Variants in EFNB3 observed in about 807,000 individuals in gnomAD.
EFNB3 encodes ephrin-B3.
EFNB3 carries 14 observed loss-of-function variants against 29.8 expected under a neutral mutation model. That is an observed-to-expected ratio of 0.47 (90% CI 0.31 to 0.73). EFNB3 has a LOEUF of 0.73. Ranked by LOEUF, EFNB3 falls within the 30% of genes least tolerant of loss-of-function variation. The probability of loss-of-function intolerance (pLI) is 0.05; values close to 1 mark genes in which losing one functional copy is unlikely to be tolerated. For synonymous variants in EFNB3, 216 were observed against 191.6 expected, an observed-to-expected ratio of 1.13 and a Z score of -1.05; for missense variants, 408 against 458.0, an observed-to-expected ratio of 0.89 and a Z score of 1.00.
chr17:7,707,479 C>A (rs193235075), intron 1 of EFNB3, among the ~76,000 whole-genome samples: 9 of 152,296 alleles, frequency 5.9e-5, no homozygotes, highest in Admixed American at 5.9e-4. Flanking sequence ...ACAGCCCCTC[C>A]CTGAACCGCC....
Position 7,708,423 on chromosome 17 carries a change from T to C in EFNB3, c.416-12T>C. ...GGAGTGCCAACCTCTTCCTCTGGCT[T>C]TTCTCTCCCAGCCACATCGGATGGG... On this transcript the variant is annotated splice_polypyrimidine_tract_variant and intron_variant, in intron 2 of 4. Coordinates refer to ENST00000226091, the MANE Select transcript of EFNB3 (RefSeq NM_001406.4). This position sits in a 1 kb window ranked among gnomAD's most constrained non-coding sequence, Gnocchi z 6.8. The C allele has an allele frequency of 1.2e-6, 2 of 1,610,090 alleles. No homozygotes were observed. The highest frequency in any genetic ancestry group is 2.7e-5 in the African/African-American group (2 of 74,980).
Position 7,709,206 on chromosome 17 carries a change from G to A in EFNB3, c.653G>A (p.Gly218Asp), listed in dbSNP as rs1483432392. 1.2e-6 allele frequency: 2 copies of A among 1,602,808 alleles called. No homozygotes were observed. The highest frequency in any genetic ancestry group is 2.2e-5 in the East Asian group (1 of 44,746). Residue 218 changes from glycine to aspartate, a missense_variant, in exon 5 of 5, where the codon GGC becomes GAC. Transcript: ENST00000226091. The surrounding 1 kb of genome is among the most constrained non-coding windows in gnomAD (Gnocchi z 4.5). ...AATGCAACCTCCCGGGGTGCTGAAG[G>A]CCCCCTGCCCCCTCCCAGCATGCCT... ...TSNATSRGAE[G>D]PLPPPSMPAV...
Position 7,708,439 on chromosome 17 carries a change from A to G in EFNB3, c.420A>G (p.Thr140=). The change falls in exon 3 of 5, where the codon ACA becomes ACG. Residue 140 remains threonine (T), a synonymous_variant. Transcript: ENST00000226091. This position sits in a 1 kb window ranked among gnomAD's most constrained non-coding sequence, Gnocchi z 6.8. ...RSHHDYYIIA[T]SDGTREGLES... ...CCTCTGGCTTTTCTCTCCCAGCCACATCGGATGGGACCCGGGAGGGCCTGG... is the reference window on the plus strand; with the variant it reads ...CCTCTGGCTTTTCTCTCCCAGCCACGTCGGATGGGACCCGGGAGGGCCTGG... 6.2e-7 allele frequency: 1 copy of G among 1,612,884 alleles called. No homozygotes were observed. Among genetic ancestry groups the G allele is most frequent in the Non-Finnish European group, 8.5e-7 (1 of 1,179,480 alleles).
Position 7,709,077 on chromosome 17 carries a change from C to A in EFNB3, c.614-90C>A. 7.4e-7 allele frequency: 1 copy of A among 1,343,044 alleles called. No homozygotes were observed. Among genetic ancestry groups the A allele is most frequent in the South Asian group, 1.2e-5 (1 of 81,224 alleles). 83.2% of individuals were successfully genotyped at this position (1,343,044 alleles called of 1,614,324 possible). A position where few individuals can be genotyped will look rare whatever the true frequency, so the allele number is the denominator to read the frequency against. ...GGGGCCTGGGCGCTACAAGGGAAGC[C>A]CATGGGGACCCCCAGGGTTGGGTGT... On this transcript the variant is annotated intron_variant, in intron 4 of 4. Transcript: ENST00000226091. This position sits in a 1 kb window ranked among gnomAD's most constrained non-coding sequence, Gnocchi z 4.5.
Position 7,708,119 on chromosome 17 carries a change from C to A in EFNB3, c.284C>A (p.Pro95His). Residue 95 changes from proline (P) to histidine (H), a missense_variant, in exon 2 of 5, where the codon CCC becomes CAC. By Grantham distance (77) the Pro-to-His change is moderately conservative (BLOSUM62 -2). Around this residue, in one of 3 missense-constraint regions of EFNB3, gnomAD observed 128 missense variants for 140.8 expected, o/e 0.91. Coordinates refer to ENST00000226091, the MANE Select transcript of EFNB3 (RefSeq NM_001406.4). The surrounding 1 kb of genome is among the most constrained non-coding windows in gnomAD (Gnocchi z 6.8). ...GGAQGRRCEAPPAPNLLLTCD... is the reference protein window; with the variant it reads ...GGAQGRRCEAHPAPNLLLTCD... ...GCTCAGGGCCGGCGCTGTGAGGCAC[C>A]CCCTGCCCCAAACCTCCTTCTCACT... 1.9e-6 allele frequency: 3 copies of A among 1,614,132 alleles called. No individual in the cohort carries two copies. Among genetic ancestry groups the A allele is most frequent in the Non-Finnish European group, 2.5e-6 (3 of 1,180,018 alleles).
Position 7,709,635 on chromosome 17 carries a change from A to C in EFNB3, c.*59A>C. 6.2e-7 allele frequency: 1 copy of C among 1,605,484 alleles called. No individual in the cohort carries two copies. Among genetic ancestry groups the C allele is most frequent in the Non-Finnish European group, 8.5e-7 (1 of 1,175,596 alleles). ...CCTTCTTGGGGTGCTCCTCCAGTTT[A>C]ATTCCTGGTTTGAGGGACACCTCTA... On this transcript the variant is annotated 3_prime_UTR_variant, in exon 5 of 5. Coordinates refer to ENST00000226091, the MANE Select transcript of EFNB3 (RefSeq NM_001406.4). The surrounding 1 kb of genome is among the most constrained non-coding windows in gnomAD (Gnocchi z 4.5).
chr17:7,708,481 T>C lies in EFNB3; in HGVS notation c.462T>C (p.Gly154=), dbSNP rs370933424. The change falls in exon 3 of 5, where the codon GGT becomes GGC. Residue 154 remains glycine, a synonymous_variant. Transcript: ENST00000226091. This position sits in a 1 kb window ranked among gnomAD's most constrained non-coding sequence, Gnocchi z 6.8. Reference sequence around the variant, plus strand: ...AGGGCCTGGAGAGCCTGCAGGGAGGTGTGTGCCTAACCAGAGGCATGAAGG... The same window carrying C: ...AGGGCCTGGAGAGCCTGCAGGGAGGCGTGTGCCTAACCAGAGGCATGAAGG... The part of the protein sequence containing the change: ...TREGLESLQG[G]VCLTRGMKVL... 2 of 1,613,078 alleles carry C rather than the reference T, an allele frequency of 1.2e-6. No individual in the cohort carries two copies. Among genetic ancestry groups the C allele is most frequent in the Non-Finnish European group, 1.7e-6 (2 of 1,179,748 alleles).
chr17:7,708,009 A>G lies in EFNB3; in HGVS notation c.174A>G (p.Leu58=), dbSNP rs1332978528. 3 of 1,613,888 alleles carry G rather than the reference A, an allele frequency of 1.9e-6. No individual in the cohort carries two copies. The African/African-American group carries it at 4.0e-5, about 22-fold the overall frequency. ...YVLYPQIGDR[L]DLLCPRARPP... ...TGTACCCTCAGATCGGGGACCGGCT[A>G]GACCTGCTCTGCCCCCGGGCCCGGC... The change falls in exon 2 of 5, where the codon CTA becomes CTG. Residue 58 remains leucine (L), a synonymous_variant. Coordinates refer to ENST00000226091, the MANE Select transcript of EFNB3 (RefSeq NM_001406.4). The surrounding 1 kb of genome is among the most constrained non-coding windows in gnomAD (Gnocchi z 6.8).
At chr17:7,707,867 G>T in intron 1 of EFNB3, 91 bp from the exon 2 acceptor site, 1 of 1,430,294 alleles carries the variant, frequency 7.0e-7, no homozygotes, top group Non-Finnish European at 9.5e-7. Flanking sequence ...GAGAATTGCT[G>T]TCCTGGAAGG....
At position 7,709,298 on chromosome 17, in the gene EFNB3, A is replaced by C. The variant is rs954849989; in HGVS notation, c.745A>C (p.Met249Leu). The C allele has an allele frequency of 6.4e-7, 1 of 1,564,988 alleles. No individual in the cohort carries two copies. Among genetic ancestry groups the C allele is most frequent in the African/African-American group, 1.4e-5 (1 of 72,198 alleles). ...LLGVAGAGGAMCWRRRRAKPS... is the reference protein window; with the variant it reads ...LLGVAGAGGALCWRRRRAKPS... ...GGGCGTGGCAGGGGCTGGGGGTGCC[A>C]TGTGTTGGCGGAGACGGCGGGCCAA... The change falls in exon 5 of 5, where the codon ATG becomes CTG. Residue 249 changes from methionine (M) to leucine (L), a missense_variant. Met to Leu is a conservative substitution (Grantham distance 15). This residue lies in a region of EFNB3 where 233 missense variants were observed against 230.7 expected (regional missense o/e 1.01). Transcript: ENST00000226091. The surrounding 1 kb of genome is among the most constrained non-coding windows in gnomAD (Gnocchi z 4.5).
In EFNB3 at chr17:7,709,587, C is replaced by A; in HGVS notation, c.*11C>A. ...TACTACAAGGTATGAGGGCTCCTCTCACGTGGCTATCCTGAATCCAGCCCT... is the reference window on the plus strand; with the variant it reads ...TACTACAAGGTATGAGGGCTCCTCTAACGTGGCTATCCTGAATCCAGCCCT... On this transcript the variant is annotated 3_prime_UTR_variant, in exon 5 of 5. Coordinates refer to ENST00000226091, the MANE Select transcript of EFNB3 (RefSeq NM_001406.4). This position sits in a 1 kb window ranked among gnomAD's most constrained non-coding sequence, Gnocchi z 4.5. 6.2e-7 allele frequency: 1 copy of A among 1,613,786 alleles called. No individual in the cohort carries two copies. The highest frequency in any genetic ancestry group is 1.7e-5 in the Admixed American group (1 of 60,000).
intron 1 of EFNB3, among the ~76,000 whole-genome samples, chr17:7,706,728 C>A (rs141575682): frequency 6.6e-6 from 1 of 152,306 alleles, no homozygotes; most frequent in East Asian, 1.9e-4. Context: ...GTCACTTAAC[C>A]TTTCTGAGTT....
Position 7,709,232 on chromosome 17 carries a change from G to A in EFNB3, c.679G>A (p.Ala227Thr). 1 of 1,601,652 alleles carries A rather than the reference G, an allele frequency of 6.2e-7. No individual in the cohort carries two copies. The highest frequency in any genetic ancestry group is 1.1e-5 in the South Asian group (1 of 90,370). The change falls in exon 5 of 5, where the codon GCA becomes ACA. Residue 227 changes from alanine to threonine, a missense_variant. Coordinates refer to ENST00000226091, the MANE Select transcript of EFNB3 (RefSeq NM_001406.4). This position sits in a 1 kb window ranked among gnomAD's most constrained non-coding sequence, Gnocchi z 4.5. Reference protein sequence around the residue: ...EGPLPPPSMPAVAGAAGGLAL... With the variant: ...EGPLPPPSMPTVAGAAGGLAL... ...CCCCCTGCCCCCTCCCAGCATGCCT[G>A]CAGTGGCTGGGGCAGCAGGGGGGCT...
Position 7,708,101 on chromosome 17 carries a change from G to T in EFNB3, c.266G>T (p.Gly89Val). 1 of 1,614,140 alleles carries T rather than the reference G, an allele frequency of 6.2e-7. No individual in the cohort carries two copies. The highest frequency in any genetic ancestry group is 8.5e-7 in the Non-Finnish European group (1 of 1,180,022). Reference sequence around the variant, plus strand: ...CTGTACCTGGTAGGGGGTGCTCAGGGCCGGCGCTGTGAGGCACCCCCTGCC... The same window carrying T: ...CTGTACCTGGTAGGGGGTGCTCAGGTCCGGCGCTGTGAGGCACCCCCTGCC... ...YKLYLVGGAQ[G>V]RRCEAPPAPN... The change falls in exon 2 of 5, where the codon GGC becomes GTC. Residue 89 changes from glycine (G) to valine (V), a missense_variant. Transcript: ENST00000226091. The surrounding 1 kb of genome is among the most constrained non-coding windows in gnomAD (Gnocchi z 6.8).
At position 7,708,000 on chromosome 17, in the gene EFNB3, G is replaced by T. The variant is rs1202034175; in HGVS notation, c.165G>T (p.Gly55=). 2 of 1,613,902 alleles carry T rather than the reference G, an allele frequency of 1.2e-6. No individual in the cohort carries two copies. The highest frequency in any genetic ancestry group is 1.7e-6 in the Non-Finnish European group (2 of 1,179,946). The stretch of plus-strand genomic sequence containing the variant: ...GTTATGTGCTGTACCCTCAGATCGG[G>T]GACCGGCTAGACCTGCTCTGCCCCC... The part of the protein sequence containing the change: ...EGGYVLYPQI[G]DRLDLLCPRA... The change falls in exon 2 of 5, where the codon GGG becomes GGT. Residue 55 remains glycine (G), a synonymous_variant. Transcript: ENST00000226091.
Position 7,705,946 on chromosome 17 carries a change from A to G in EFNB3, c.122+226A>G, listed in dbSNP as rs182577436. On this transcript the variant is annotated intron_variant, in intron 1 of 4. Coordinates refer to ENST00000226091, the MANE Select transcript of EFNB3 (RefSeq NM_001406.4). This position sits in a 1 kb window ranked among gnomAD's most constrained non-coding sequence, Gnocchi z 5.4. Reference sequence around the variant, plus strand: ...TGGATGTCAGGAGTTTGGAGACCCCAAAGGGGCAAGGAGAAGAAAGTTCAT... The same window carrying G: ...TGGATGTCAGGAGTTTGGAGACCCCGAAGGGGCAAGGAGAAGAAAGTTCAT... Among the ~76,000 whole-genome samples the G allele has an allele frequency of 4.0e-5, 6 of 151,420 alleles. No individual in the cohort carries two copies. The highest frequency in any genetic ancestry group is 1.5e-4 in the African/African-American group (6 of 41,234).
Position 7,709,695 on chromosome 17 carries a change from A to T in EFNB3, c.*119A>T. 1.0e-6 allele frequency: 1 copy of T among 1,003,532 alleles called. No individual in the cohort carries two copies. Among genetic ancestry groups the T allele is most frequent in the Non-Finnish European group, 1.5e-6 (1 of 666,356 alleles). The allele number at this position is 1,003,532 out of a possible 1,614,324, so 62.2% of individuals were successfully genotyped here. A position where few individuals can be genotyped will look rare whatever the true frequency, so the allele number is the denominator to read the frequency against. On this transcript the variant is annotated 3_prime_UTR_variant, in exon 5 of 5. Coordinates refer to ENST00000226091, the MANE Select transcript of EFNB3 (RefSeq NM_001406.4). This position sits in a 1 kb window ranked among gnomAD's most constrained non-coding sequence, Gnocchi z 4.5. ...CCCCCTGTGCCCCCCCAGCCCCTTC[A>T]CTCCTCCCGGCTGCTGTCCTCGTCT... is the stretch of plus-strand genomic sequence containing the variant.
At position 7,708,207 on chromosome 17, in the gene EFNB3, C is replaced by G; in HGVS notation, c.372C>G (p.Leu124=). The change falls in exon 2 of 5, where the codon CTC becomes CTG. Residue 124 remains leucine, a synonymous_variant. Coordinates refer to ENST00000226091, the MANE Select transcript of EFNB3 (RefSeq NM_001406.4). This position sits in a 1 kb window ranked among gnomAD's most constrained non-coding sequence, Gnocchi z 6.8. ...AGTTCCAGGAGTATAGCCCTAATCT[C>G]TGGGGCCACGAGTTCCGCTCGCACC... ...TIKFQEYSPN[L]WGHEFRSHHD... is the part of the protein sequence containing the mutation. The G allele has an allele frequency of 3.7e-6, 6 of 1,611,962 alleles. No individual in the cohort carries two copies. Among genetic ancestry groups the G allele is most frequent in the Non-Finnish European group, 5.1e-6 (6 of 1,180,022 alleles).
Position 7,708,791 on chromosome 17 carries a change from A to C in EFNB3, c.613+52A>C, listed in dbSNP as rs1597427214. 1 of 1,456,400 alleles carries C rather than the reference A, an allele frequency of 6.9e-7. No homozygotes were observed. The allele number at this position is 1,456,400 out of a possible 1,614,324, so 90.2% of individuals were successfully genotyped here. On this transcript the variant is annotated intron_variant, in intron 4 of 4. Transcript: ENST00000226091. The surrounding 1 kb of genome is among the most constrained non-coding windows in gnomAD (Gnocchi z 6.8). Reference sequence around the variant, plus strand: ...CTTCCCCAGCTTCCTCTGCTCTCAGACCCCAGCTGCCCTGCCGTCACCCTC... The same window carrying C: ...CTTCCCCAGCTTCCTCTGCTCTCAGCCCCCAGCTGCCCTGCCGTCACCCTC...
Sources: gnomAD v4.1 joint callset for allele counts (sites outside exome capture counted in the v4.1 genomes callset) on GRCh38, gnomAD v4.1.1 for gene constraint, gnomAD v4.1.1 regional missense constraint, Gnocchi (gnomAD v3.1) non-coding constraint, MANE v1.5 for transcripts, NCBI Gene and HGNC (gene_info 2026-07-23, HGNC 2026-07-21) for gene names.